Variants in GANC observed in about 807,000 individuals in gnomAD.
The protein encoded by GANC is neutral alpha-glucosidase C.
In GANC, 117 loss-of-function variants were observed where a neutral mutation model predicts 124.2. The ratio of observed to expected loss-of-function variants is 0.94; its 90% CI spans 0.81 to 1.10. The LOEUF is 1.10. GANC is among the 50% of genes least tolerant of loss of function. The probability of loss-of-function intolerance (pLI) is 0.00; values close to 1 mark genes in which losing one functional copy is unlikely to be tolerated. For synonymous variants in GANC, 377 were observed against 376.8 expected (o/e 1.00, Z -0.01); for missense variants, 1,140 against 1,095.0 (o/e 1.04, Z -0.58).
intron 3 of GANC, among the ~76,000 whole-genome samples, chr15:42,281,838 A>G (rs1036140879): frequency 2.0e-5 from 3 of 152,236 alleles, no homozygotes; most frequent in Non-Finnish European, 4.4e-5. Context: ...GAGGTTATAC[A>G]TATACATTGA....
intron 18 of GANC, among the ~76,000 whole-genome samples, chr15:42,341,708 A>C (rs986193793): frequency 2.0e-5 from 3 of 152,022 alleles, no homozygotes; most frequent in African/African-American, 7.2e-5. Context: ...GATCACAGGC[A>C]TGTGCCACTA....
chr15:42,347,367 G>A (rs1469163248), intron 20 of GANC, among the ~76,000 whole-genome samples: 2 of 152,114 alleles, frequency 1.3e-5, no homozygotes, highest in Non-Finnish European at 2.9e-5. Context: ...TCAGAGCAAA[G>A]CACAAGCCCT....
chr15:42,317,407 A>C (rs2052116966), intron 10 of GANC, among the ~76,000 whole-genome samples: 1 of 152,180 alleles, frequency 6.6e-6, no homozygotes. Context: ...TGTGAGTGTT[A>C]GGGAGTTACT....
At chr15:42,329,749 A>G (rs1382150190) in intron 14 of GANC, among the ~76,000 whole-genome samples, 1 of 152,204 alleles carries the variant, frequency 6.6e-6, no homozygotes, top group African/African-American at 2.4e-5. Context: ...CACTACCTCA[A>G]ACTTTTATTG....
At chr15:42,303,116 T>A (rs973280962) in intron 6 of GANC, among the ~76,000 whole-genome samples, 5 of 152,150 alleles carry the variant, frequency 3.3e-5, no homozygotes, top group African/African-American at 1.2e-4. Flanking sequence ...AAAGGTCAGG[T>A]TACCCACAAA....
At chr15:42,296,728 TG>T (rs1167259561) in intron 5 of GANC, among the ~76,000 whole-genome samples, 1 of 152,156 alleles carries the variant, frequency 6.6e-6, no homozygotes, top group Non-Finnish European at 1.5e-5. Context: ...CACATATGTA[TG>T]AATTCCCAAA....
Position 42,345,801 on chromosome 15 carries a change from G to A in GANC, c.2273G>A (p.Cys758Tyr), listed in dbSNP as rs1287873271. 1.9e-6 allele frequency: 3 copies of A among 1,611,990 alleles called. No individual in the cohort carries two copies. The highest frequency in any genetic ancestry group is 1.7e-4 in the Middle Eastern group (1 of 6,054). Residue 758 changes from cysteine to tyrosine, a missense_variant, in exon 20 of 24, where the codon TGT becomes TAT. Physicochemically the swap from Cys to Tyr is radical, Grantham distance 194. Coordinates refer to ENST00000318010, the MANE Select transcript of GANC (RefSeq NM_198141.3). The stretch of plus-strand genomic sequence containing the variant: ...ACATTTGCTCATTGGGAAGGAGGGT[G>A]TACTGTAAAGATCCCAGTAGCCTTG... ...YKTFAHWEGG[C>Y]TVKIPVALDT...
rs554512052 is a variant in GANC at position 42,329,435 on chromosome 15, T to G, written c.1630T>G (p.Tyr544Asp). The G allele has an allele frequency of 2.9e-5, 46 of 1,610,002 alleles. 1 individual carries two copies. In the South Asian group the frequency reaches 4.9e-4, roughly 17 times the overall value. Reference sequence around the variant, plus strand: ...GGAGCACAGAGAGCTCCACAACATCTACGGTTTTTATCATGTAAGACATCC... The same window carrying G: ...GGAGCACAGAGAGCTCCACAACATCGACGGTTTTTATCATGTAAGACATCC... ...NWEHRELHNIYGFYHQMATAE... is the reference protein window; with the variant it reads ...NWEHRELHNIDGFYHQMATAE... The change falls in exon 14 of 24, where the codon TAC becomes GAC. Residue 544 changes from tyrosine to aspartate, a missense_variant. Tyr to Asp is a radical substitution (Grantham distance 160). Transcript: ENST00000318010.
rs2052301173 is a variant in GANC, at chr15:42,338,440, C to G, written c.1793C>G (p.Ser598Cys). ...GCAGAATGGAGCAACTTGAAAATTT[C>G]TATCCCAATGTTACTCACTCTCAGC... ...NTAEWSNLKI[S>C]IPMLLTLSIT... is the part of the protein sequence containing the mutation. The change falls in exon 16 of 24, where the codon TCT becomes TGT. Residue 598 changes from serine to cysteine, a missense_variant. Transcript: ENST00000318010. 6.2e-7 allele frequency: 1 copy of G among 1,613,986 alleles called. No homozygotes were observed. The highest frequency in any genetic ancestry group is 1.1e-5 in the South Asian group (1 of 91,086).
chr15:42,293,295 AT>A (rs1332260064), intron 5 of GANC, among the ~76,000 whole-genome samples: 14 of 152,158 alleles, frequency 9.2e-5, no homozygotes, highest in African/African-American at 3.1e-4. Context: ...TTGTCCAGGA[AT>A]TTTCTGGGAC....
At chr15:42,284,360 A>G (rs1433216039) in intron 3 of GANC, 1 of 205,584 alleles carries the variant, frequency 4.9e-6, no homozygotes, top group East Asian at 1.1e-4. Context: ...CATGATGTTT[A>G]CAAAATATCT....
At position 42,279,352 on chromosome 15, in the gene GANC, G is replaced by A. The variant is rs138874270; in HGVS notation, c.201+762G>A. On this transcript the variant is annotated intron_variant, in intron 3 of 23. Transcript: ENST00000318010. ...AGCCTGAGCAAGGTACAAATTCAGGGTATGTCCAAATCTCAAAATGCAGGT... is the reference window on the plus strand; with the variant it reads ...AGCCTGAGCAAGGTACAAATTCAGGATATGTCCAAATCTCAAAATGCAGGT... 3.3e-5 allele frequency among the ~76,000 whole-genome samples: 5 copies of A among 152,298 alleles called. No individual in the cohort carries two copies. The East Asian group carries it at 9.6e-4, about 29-fold the overall frequency.
Position 42,353,480 on chromosome 15 carries a change from T to C in GANC, c.*1341T>C. The C allele has an allele frequency of 1.1e-6, 1 of 936,548 alleles. No individual in the cohort carries two copies. Among genetic ancestry groups the C allele is most frequent in the Non-Finnish European group, 1.3e-6 (1 of 785,666 alleles). The allele number at this position is 936,548 out of a possible 1,614,324, so 58.0% of individuals were successfully genotyped here. A position where few individuals can be genotyped will look rare whatever the true frequency, so the allele number is the denominator to read the frequency against. On this transcript the variant is annotated 3_prime_UTR_variant, in exon 24 of 24. Coordinates refer to ENST00000318010, the MANE Select transcript of GANC (RefSeq NM_198141.3). ...ACTTATAACTGTGCTCTACTTAGCA[T>C]TCTCAGGGATCATACCTTAATGTTT...
At chr15:42,330,506 A>T in intron 14 of GANC, 70 bp from the exon 15 acceptor site, 1 of 1,045,906 alleles carries the variant, frequency 9.6e-7, no homozygotes, top group Non-Finnish European at 1.5e-6. Flanking sequence ...TTTGTATGTT[A>T]GATAGCTTAT....
chr15:42,347,723 C>T (rs2052378234), intron 20 of GANC, among the ~76,000 whole-genome samples: 1 of 152,096 alleles, frequency 6.6e-6, no homozygotes, highest in Admixed American at 6.5e-5. Context: ...CACTCTTCAG[C>T]AGGGTTCTGG....
chr15:42,286,997 TCTC>T (rs1428430663), intron 3 of GANC, among the ~76,000 whole-genome samples: 1 of 152,236 alleles, frequency 6.6e-6, no homozygotes, highest in East Asian at 1.9e-4. Context: ...TCATTTCTGT[TCTC>T]CTAGAGCTTC....
chr15:42,294,703 C>T (rs1028464088), intron 5 of GANC, among the ~76,000 whole-genome samples: 1 of 151,090 alleles, frequency 6.6e-6, no homozygotes, highest in African/African-American at 2.5e-5. Context: ...GCCACCTTTA[C>T]ACATTATTCT....
At chr15:42,310,970 T>G in intron 10 of GANC, 124 bp downstream of exon 10, 2 of 1,044,500 alleles carry the variant, frequency 1.9e-6, no homozygotes, top group South Asian at 1.6e-5. Context: ...AGCATTTTAA[T>G]TAGCAAGCAT....
chr15:42,333,471 G>A (rs566051435), intron 15 of GANC, among the ~76,000 whole-genome samples: 1 of 152,170 alleles, frequency 6.6e-6, no homozygotes, highest in Non-Finnish European at 1.5e-5. Context: ...CATAAAATAA[G>A]ACTTTCCCTT....
Sources: gnomAD v4.1 joint callset for allele counts (sites outside exome capture counted in the v4.1 genomes callset) on GRCh38, gnomAD v4.1.1 for gene constraint, MANE v1.5 for transcripts, NCBI Gene and HGNC (gene_info 2026-07-23, HGNC 2026-07-21) for gene names.